The following SLC38A8 variants were observed in gnomAD, a reference collection of about 807,000 sequenced individuals.
SLC38A8 encodes amino acid transporter SLC38A8.
In SLC38A8, 65 loss-of-function variants were observed where a neutral mutation model predicts 46.0. That is an observed-to-expected ratio of 1.41 (90% confidence interval 1.16 to 1.74). The LOEUF (loss-of-function observed/expected upper bound fraction) is 1.74, where lower values mean the gene tolerates loss of function less well. SLC38A8 is among the 40% of genes most tolerant of loss of function. The probability of loss-of-function intolerance (pLI) is 0.00; values close to 1 mark genes in which losing one functional copy is unlikely to be tolerated. For missense variants in SLC38A8, 998 were observed against 567.9 expected (o/e 1.76, Z -7.70); for synonymous variants, 447 against 243.7 (o/e 1.83, Z -7.77).
chr16:84,029,165 C>T (rs767070622), intron 6 of SLC38A8, among the ~76,000 whole-genome samples: 2 of 152,160 alleles, frequency 1.3e-5, no homozygotes, highest in African/African-American at 2.4e-5. Context: ...GACTGCAGTC[C>T]TGTGGGGGTT....
At chr16:84,019,433 A>G (rs771992509) in intron 7 of SLC38A8, among the ~76,000 whole-genome samples, 10 of 152,182 alleles carry the variant, frequency 6.6e-5, no homozygotes, top group Non-Finnish European at 1.5e-4. Context: ...CAGATGGTGC[A>G]TCCTTCAACC....
chr16:84,030,802 A>G (rs1328525164), intron 5 of SLC38A8, among the ~76,000 whole-genome samples: 1 of 152,174 alleles, frequency 6.6e-6, no homozygotes, highest in Non-Finnish European at 1.5e-5. Context: ...AGACAGTGAC[A>G]TCAGAAGGGT....
intron 2 of SLC38A8, chr16:84,041,030 G>C (rs116975483): frequency 3.3e-5 from 5 of 152,394 alleles, no homozygotes; most frequent in Admixed American, 6.5e-5. Flanking sequence ...ACCAGCTGCC[G>C]TAAGACGTGT....
At chr16:84,032,313 C>T (rs771952399) in intron 4 of SLC38A8, among the ~76,000 whole-genome samples, 4 of 152,156 alleles carry the variant, frequency 2.6e-5, no homozygotes, top group Admixed American at 6.5e-5. Flanking sequence ...CTCAGCCTCC[C>T]GAATAGCTGG....
chr16:84,014,358 G>A (rs1471313990), intron 9 of SLC38A8, among the ~76,000 whole-genome samples: 1 of 151,428 alleles, frequency 6.6e-6, no homozygotes, highest in South Asian at 2.1e-4. Context: ...CCAGAACTGA[G>A]GGAGGAGTCG....
chr16:84,040,980 G>C (rs1395364613), intron 2 of SLC38A8: 1 of 152,258 alleles, frequency 6.6e-6, no homozygotes, highest in African/African-American at 2.4e-5. Flanking sequence ...GACCCGAAGA[G>C]CCTCAGGGCA....
intron 4 of SLC38A8, among the ~76,000 whole-genome samples, chr16:84,032,400 G>C (rs1171011828): frequency 1.3e-5 from 2 of 152,288 alleles, no homozygotes; most frequent in Admixed American, 1.3e-4. Flanking sequence ...TGTTGGTCAG[G>C]CTGGTTTTGA....
chr16:84,023,784 C>G (rs1357091184), intron 6 of SLC38A8, among the ~76,000 whole-genome samples: 2 of 152,188 alleles, frequency 1.3e-5, no homozygotes, highest in African/African-American at 4.8e-5. Context: ...ATCCCAGCTA[C>G]TCAGGAAGCT....
chr16:84,017,208 G>C lies in SLC38A8; in HGVS notation c.885C>G (p.Ile295Met), dbSNP rs761966226. The C allele has an allele frequency of 1.9e-6, 3 of 1,613,960 alleles. No individual in the cohort carries two copies. The Admixed American group carries it at 5.0e-5, about 27-fold the overall frequency. ...LMSYPGNDMV[I>M]IVARVLFAVS... The stretch of plus-strand genomic sequence containing the variant: ...CAGCAAAAAGGACCCGGGCCACAAT[G>C]ATGACCATATCATTGCCTGGGTAGG... The change falls in exon 8 of 11, where the codon ATC becomes ATG. Residue 295 changes from isoleucine (I) to methionine (M), a missense_variant. By Grantham distance (10) the Ile-to-Met change is conservative. Transcript: ENST00000299709.
intron 2 of SLC38A8, among the ~76,000 whole-genome samples, chr16:84,040,266 G>T (rs1241911713): frequency 2.0e-5 from 3 of 152,196 alleles, no homozygotes; most frequent in African/African-American, 7.2e-5. Flanking sequence ...GCGGGAGCGT[G>T]TCAAGAGCCA....
chr16:84,025,696 G>A (rs930416848), intron 6 of SLC38A8, among the ~76,000 whole-genome samples: 2 of 152,200 alleles, frequency 1.3e-5, no homozygotes, highest in African/African-American at 4.8e-5. Flanking sequence ...CTCGGTGCAA[G>A]TGAGCCAAGC....
intron 2 of SLC38A8, among the ~76,000 whole-genome samples, chr16:84,041,686 C>T (rs1353868486): frequency 6.6e-6 from 1 of 152,180 alleles, no homozygotes; most frequent in African/African-American, 2.4e-5. Flanking sequence ...AGAGAGGTTC[C>T]TTCCCAGGTG....
Position 84,031,957 on chromosome 16 carries a change from G to C in SLC38A8, c.542C>G (p.Thr181Ser), listed in dbSNP as rs1181417797. The C allele has an allele frequency of 1.2e-6, 2 of 1,614,184 alleles. No homozygotes were observed. Among genetic ancestry groups the C allele is most frequent in the Non-Finnish European group, 1.7e-6 (2 of 1,180,010 alleles). ...AFQKYTSILG[T>S]LAACYLALVI... The stretch of plus-strand genomic sequence containing the variant: ...CAGGGCCAGGTAACAGGCAGCCAGA[G>C]TGCCTAGGATGCTAACACAGTGACC... Residue 181 changes from threonine (T) to serine (S), a missense_variant, in exon 5 of 11, where the codon ACT (threonine) becomes AGT (serine). Physicochemically the swap from Thr to Ser is moderately conservative, Grantham distance 58. Transcript: ENST00000299709.
At chr16:84,022,946 G>T in intron 6 of SLC38A8, 57 bp from the exon 7 acceptor site, 1 of 1,286,554 alleles carries the variant, frequency 7.8e-7, no homozygotes, top group Non-Finnish European at 1.1e-6. Flanking sequence ...CAGGCGATGC[G>T]AAAAAAAACT....
At chr16:84,018,540 A>G (rs1396480728) in intron 7 of SLC38A8, among the ~76,000 whole-genome samples, 1 of 152,020 alleles carries the variant, frequency 6.6e-6, no homozygotes, top group East Asian at 1.9e-4. Flanking sequence ...CTCTTCTTAT[A>G]AAGCCACTAG....
chr16:84,025,676 A>C (rs1263899233), intron 6 of SLC38A8, among the ~76,000 whole-genome samples: 1 of 152,156 alleles, frequency 6.6e-6, no homozygotes, highest in East Asian at 1.9e-4. Context: ...TCTGTCACTC[A>C]TGAGTCCTCC....
At chr16:84,013,139 G>GGAGGCCAGC in intron 9 of SLC38A8, 87 bp from the exon 10 acceptor site, 3 of 1,523,926 alleles carry the variant, frequency 2.0e-6, no homozygotes, top group South Asian at 1.2e-5. Context: ...CAGGGACCCA[G>GGAGGCCAGC]GAGGCCAGCA....
chr16:84,018,676 A>T (rs1038526596), intron 7 of SLC38A8, among the ~76,000 whole-genome samples: 4 of 152,194 alleles, frequency 2.6e-5, no homozygotes, highest in Non-Finnish European at 5.9e-5. Flanking sequence ...CAATCACATC[A>T]GCAGGAGAAA....
intron 4 of SLC38A8, 126 bp from the exon 5 acceptor site, chr16:84,032,094 T>TCTGC (rs1445187836): frequency 3.8e-6 from 3 of 795,700 alleles, no homozygotes; most frequent in Non-Finnish European, 6.3e-6. Flanking sequence ...GCTGTCCACC[T>TCTGC]CTGCCTCACC....
Sources: gnomAD v4.1 joint callset for allele counts (sites outside exome capture counted in the v4.1 genomes callset) on GRCh38, gnomAD v4.1.1 for gene constraint, MANE v1.5 for transcripts, NCBI Gene and HGNC (gene_info 2026-07-23, HGNC 2026-07-21) for gene names.